The following SLC25A26 variants were observed in gnomAD, a reference collection of about 807,000 sequenced individuals.
The protein encoded by SLC25A26 is mitochondrial S-adenosylmethionine carrier protein.
Under a neutral mutation model 37.8 loss-of-function variants are expected in SLC25A26, and 36 were observed. The observed-to-expected ratio is 0.95, with a 90% CI of 0.73 to 1.26. SLC25A26 has a LOEUF of 1.26. Among genes scored for constraint, SLC25A26 ranks in the 50% most tolerant of loss-of-function variants. SLC25A26 has a pLI of 0.00. For synonymous variants in SLC25A26, 129 were observed against 122.5 expected (o/e 1.05, Z -0.35); for missense variants, 390 against 331.1 (o/e 1.18, Z -1.38).
intron 7 of SLC25A26, among the ~76,000 whole-genome samples, chr3:66,363,621 C>A (rs1575611967): frequency 6.6e-6 from 1 of 152,294 alleles, no homozygotes; most frequent in East Asian, 1.9e-4. Context: ...TTTGTTGTTA[C>A]AACGTTAAAT....
At chr3:66,136,273 T>G (rs543371155) in intron 1 of SLC25A26, among the ~76,000 whole-genome samples, 29 of 152,346 alleles carry the variant, frequency 1.9e-4, no homozygotes, top group African/African-American at 7.0e-4. Context: ...AGTAATGAGT[T>G]AAATAAAATG....
intron 1 of SLC25A26, among the ~76,000 whole-genome samples, chr3:66,178,244 C>T (rs2070627850): frequency 6.6e-6 from 1 of 152,166 alleles, no homozygotes; most frequent in Admixed American, 6.5e-5. Context: ...GACTGAGCCC[C>T]AGGGAAGTGT....
chr3:66,339,411 A>T (rs953404947), intron 5 of SLC25A26, among the ~76,000 whole-genome samples: 1 of 152,034 alleles, frequency 6.6e-6, no homozygotes, highest in Admixed American at 6.6e-5. Flanking sequence ...GCTGGATTTT[A>T]TGGTAATTCT....
intron 5 of SLC25A26, among the ~76,000 whole-genome samples, chr3:66,339,536 A>G (rs553736558): frequency 2.0e-5 from 3 of 151,982 alleles, no homozygotes; most frequent in Non-Finnish European, 4.4e-5. Flanking sequence ...CCTTGCCAGC[A>G]CTTGTTATTT....
intron 1 of SLC25A26, among the ~76,000 whole-genome samples, chr3:66,214,897 GT>G (rs1407147083): frequency 6.6e-6 from 1 of 152,182 alleles, no homozygotes; most frequent in Non-Finnish European, 1.5e-5. Context: ...GGAAGCTGAG[GT>G]GGGCGGATGG....
At chr3:66,377,625 G>A in intron 9 of SLC25A26, 65 bp from the exon 10 acceptor site, 1 of 1,273,834 alleles carries the variant, frequency 7.9e-7, no homozygotes, top group East Asian at 2.3e-5. Context: ...AGCAAGCTGT[G>A]GGTATTGGAA....
At chr3:66,273,928 G>T (rs920570595) in intron 5 of SLC25A26, among the ~76,000 whole-genome samples, 1 of 152,108 alleles carries the variant, frequency 6.6e-6, no homozygotes, top group African/African-American at 2.4e-5. Context: ...CCAAAAAAGA[G>T]CCCGCATCGC....
rs574777849 is a variant in SLC25A26, at chr3:66,304,941, G to A, written c.454-41423G>A. ...CCCCATAATGTTAAGAAACTCAAAA[G>A]ATTTTGTCACCAAAAAGTGTATCTT... On this transcript the variant is annotated intron_variant, in intron 5 of 9. Coordinates refer to ENST00000354883, the MANE Select transcript of SLC25A26 (RefSeq NM_001379210.1). Among the ~76,000 whole-genome samples the A allele has an allele frequency of 3.3e-5, 5 of 152,226 alleles. No individual in the cohort carries two copies. In the East Asian group the frequency reaches 9.6e-4, roughly 29 times the overall value.
intron 1 of SLC25A26, among the ~76,000 whole-genome samples, chr3:66,221,707 C>T (rs2071504888): frequency 6.6e-6 from 1 of 151,200 alleles, no homozygotes; most frequent in East Asian, 1.9e-4. Flanking sequence ...TATTTAATTC[C>T]GTAGCAGAAA....
chr3:66,357,013 A>C (rs949077744), intron 6 of SLC25A26, among the ~76,000 whole-genome samples: 2 of 152,216 alleles, frequency 1.3e-5, no homozygotes, highest in African/African-American at 2.4e-5. Context: ...CATGGTTTCT[A>C]ATCAACCTGT....
chr3:66,258,887 T>C (rs2073411462), intron 3 of SLC25A26, among the ~76,000 whole-genome samples: 1 of 151,766 alleles, frequency 6.6e-6, no homozygotes, highest in South Asian at 2.1e-4. Context: ...TTTACATTAA[T>C]TTTTTATACC....
chr3:66,249,934 T>G (rs956595323), intron 3 of SLC25A26, among the ~76,000 whole-genome samples: 8 of 152,246 alleles, frequency 5.3e-5, no homozygotes, highest in Admixed American at 3.9e-4. Context: ...TTGTGTGATG[T>G]GTCTAAGCAC....
At chr3:66,327,300 T>G (rs1023404357) in intron 5 of SLC25A26, among the ~76,000 whole-genome samples, 1 of 152,220 alleles carries the variant, frequency 6.6e-6, no homozygotes, top group African/African-American at 2.4e-5. Flanking sequence ...TTTTTAATAT[T>G]CAAAATAATG....
intron 7 of SLC25A26, among the ~76,000 whole-genome samples, chr3:66,366,827 G>A (rs1489293385): frequency 6.6e-6 from 1 of 152,180 alleles, no homozygotes; most frequent in Non-Finnish European, 1.5e-5. Flanking sequence ...TACTTTTGGA[G>A]TCATCATACA....
chr3:66,281,996 ATTTTTTT>A (rs71105977), intron 5 of SLC25A26, among the ~76,000 whole-genome samples: 15 of 64,476 alleles, frequency 2.3e-4, no homozygotes, highest in African/African-American at 6.2e-4. Context: ...CTGATTTTGC[ATTTTTTT>A]TTTTTTTTTT....
At chr3:66,347,576 A>G (rs1398699522) in intron 6 of SLC25A26, among the ~76,000 whole-genome samples, 1 of 152,246 alleles carries the variant, frequency 6.6e-6, no homozygotes, top group African/African-American at 2.4e-5. Context: ...CGATTTCTCA[A>G]AGACGTAGAA....
exon 1 of SLC25A26, chr3:66,133,959 A>G (rs541488975): frequency 6.6e-6 from 1 of 152,230 alleles, no homozygotes; most frequent in Non-Finnish European, 1.5e-5. Flanking sequence ...GAAAAGACGC[A>G]AAGAAAATGC....
intron 1 of SLC25A26, among the ~76,000 whole-genome samples, chr3:66,146,566 T>C (rs923955513): frequency 2.0e-5 from 3 of 152,124 alleles, no homozygotes; most frequent in Non-Finnish European, 4.4e-5. Context: ...AAAACTAATA[T>C]AAGCAAAGCA....
intron 1 of SLC25A26, among the ~76,000 whole-genome samples, chr3:66,214,594 A>G (rs1354530610): frequency 6.6e-6 from 1 of 152,166 alleles, no homozygotes; most frequent in Non-Finnish European, 1.5e-5. Context: ...ATTTTTTAAC[A>G]TGTTCATTAT....
Sources: gnomAD v4.1 joint callset for allele counts (sites outside exome capture counted in the v4.1 genomes callset) on GRCh38, gnomAD v4.1.1 for gene constraint, MANE v1.5 for transcripts, NCBI Gene and HGNC (gene_info 2026-07-23, HGNC 2026-07-21) for gene names.